Variants in LONP2 observed in about 807,000 individuals in gnomAD.
LONP2 encodes lon protease homolog 2, peroxisomal.
LONP2 carries 60 observed loss-of-function variants against 85.6 expected under a neutral mutation model. The observed-to-expected ratio is 0.70, with a 90% CI of 0.57 to 0.87. The LOEUF (loss-of-function observed/expected upper bound fraction) is 0.87. Ranked by LOEUF, LONP2 falls within the 40% of genes least tolerant of loss-of-function variation. The pLI is 0.00. For synonymous variants in LONP2, 395 were observed against 389.7 expected, an observed-to-expected ratio of 1.01 and a Z score of -0.16; for missense variants, 860 against 1,063.5, an observed-to-expected ratio of 0.81 and a Z score of 2.66.
At chr16:48,244,886 T>C (rs943548674) in intron 1 of LONP2, among the ~76,000 whole-genome samples, 1 of 152,210 alleles carries the variant, frequency 6.6e-6, no homozygotes, top group Non-Finnish European at 1.5e-5. Flanking sequence ...ATTTGAATCC[T>C]CTTCCCCCTC....
chr16:48,347,999 A>T, intron 13 of LONP2, 101 bp from the exon 14 acceptor site: 1 of 1,130,832 alleles, frequency 8.8e-7, no homozygotes, highest in South Asian at 1.5e-5. Flanking sequence ...TGAAGAATTC[A>T]TTTACCCAAA....
Position 48,355,508 on chromosome 16 carries a change from A to AGTCT in LONP2, c.*3707_*3710dup, listed in dbSNP as rs1960308450. ...ATAAATTCGTACTTTTAAATTACCC[A>AGTCT]GTCTCAGGTATTCTGTTACGGTTAA... On this transcript the variant is annotated 3_prime_UTR_variant, in exon 15 of 15. Coordinates refer to ENST00000285737, the MANE Select transcript of LONP2 (RefSeq NM_031490.5). The AGTCT allele has an allele frequency of 6.6e-6, 1 of 152,210 alleles. No individual in the cohort carries two copies. The highest frequency in any genetic ancestry group is 1.5e-5 in the Non-Finnish European group (1 of 68,032). The allele number at this position is 152,210 out of a possible 1,614,324, so 9.4% of individuals were successfully genotyped here.
chr16:48,344,955 G>C (rs1000125300), intron 12 of LONP2: 1 of 151,854 alleles, frequency 6.6e-6, no homozygotes, highest in African/African-American at 2.4e-5. Context: ...GGGCGCGGTC[G>C]CTAATGTCTG....
intron 12 of LONP2, among the ~76,000 whole-genome samples, chr16:48,343,308 A>G (rs1959869302): frequency 1.3e-5 from 2 of 152,204 alleles, no homozygotes; most frequent in African/African-American, 4.8e-5. Flanking sequence ...ATTTCAATCA[A>G]ATATCACTAT....
At chr16:48,361,363 A>G (rs902321775), downstream of LONP2, 1 of 524,234 alleles carries the variant, frequency 1.9e-6, no homozygotes, top group Non-Finnish European at 3.4e-6. Context: ...GTGTATATAC[A>G]TATATTTTTT....
At chr16:48,305,480 G>C (rs2151003534) in intron 11 of LONP2, among the ~76,000 whole-genome samples, 1 of 152,146 alleles carries the variant, frequency 6.6e-6, no homozygotes, top group East Asian at 1.9e-4. Flanking sequence ...GTCTTCAACT[G>C]CTAACCTCAG....
At chr16:48,293,616 A>G (rs1023851759) in intron 8 of LONP2, among the ~76,000 whole-genome samples, 10 of 152,078 alleles carry the variant, frequency 6.6e-5, no homozygotes, top group African/African-American at 9.7e-5. Context: ...AAGAGGAAGA[A>G]TTGGGGTTAC....
rs1256683222 is a variant in LONP2 at position 48,356,801 on chromosome 16, T to C, written c.*4999T>C. On this transcript the variant is annotated 3_prime_UTR_variant, in exon 15 of 15. Coordinates refer to ENST00000285737, the MANE Select transcript of LONP2 (RefSeq NM_031490.5). ...GCTTTGTCATGAAAATTCATTTCTT[T>C]GGAAATACTGTAGTTTGTACTTAAT... 3.8e-6 allele frequency: 1 copy of C among 263,158 alleles called. No individual in the cohort carries two copies. Among genetic ancestry groups the C allele is most frequent in the East Asian group, 9.7e-5 (1 of 10,314 alleles). 16.3% of individuals were successfully genotyped at this position (263,158 alleles called of 1,614,324 possible).
At chr16:48,271,696 A>T (rs1395468010) in intron 7 of LONP2, among the ~76,000 whole-genome samples, 2 of 152,228 alleles carry the variant, frequency 1.3e-5, no homozygotes, top group Non-Finnish European at 2.9e-5. Context: ...AGCCTGGGCA[A>T]CTTGGTGACA....
In LONP2 at chr16:48,336,925, C is replaced by T. The variant is rs527483176; in HGVS notation, c.1938+2567C>T. 1.1e-4 allele frequency among the ~76,000 whole-genome samples: 16 copies of T among 152,230 alleles called. No homozygotes were observed. The South Asian group carries it at 2.9e-3, about 28-fold the overall frequency. ...TGAAAGTGAGAACTCACCCTGTAGCCGGGTGTCTCTACCTGTAGTGGTCTG... is the reference window on the plus strand; with the variant it reads ...TGAAAGTGAGAACTCACCCTGTAGCTGGGTGTCTCTACCTGTAGTGGTCTG... On this transcript the variant is annotated intron_variant, in intron 12 of 14. Coordinates refer to ENST00000285737, the MANE Select transcript of LONP2 (RefSeq NM_031490.5).
At position 48,270,143 on chromosome 16, in the gene LONP2, C is replaced by CCT. The variant is rs1443908798; in HGVS notation, c.1111_1112dup (p.Cys372TyrfsTer22). On this transcript the variant is annotated frameshift_variant, in exon 7 of 15. Transcript: ENST00000285737. LOFTEE classifies it high-confidence loss of function. ...TCAAAAATAACCTGAAGGGCCCAAT[C>CCT]CTATGCTTTGTTGGCCCTCCTGGAG... 3 of 1,614,026 alleles carry CCT rather than the reference C, an allele frequency of 1.9e-6. No homozygotes were observed. Among genetic ancestry groups the CCT allele is most frequent in the Non-Finnish European group, 2.5e-6 (3 of 1,179,986 alleles).
intron 9 of LONP2, among the ~76,000 whole-genome samples, chr16:48,298,320 G>A (rs1303996180): frequency 6.6e-6 from 1 of 152,068 alleles, no homozygotes. Context: ...TTGGAATTTT[G>A]TCTTACGGGA....
intron 7 of LONP2, among the ~76,000 whole-genome samples, chr16:48,272,666 T>C (rs1972129134): frequency 6.6e-6 from 1 of 152,184 alleles, no homozygotes. Context: ...GGATTTGTTT[T>C]GTGAATCATT....
chr16:48,296,176 C>CT lies in LONP2; in HGVS notation c.1534+13dup. 3 of 1,612,856 alleles carry CT rather than the reference C, an allele frequency of 1.9e-6. No individual in the cohort carries two copies. The highest frequency in any genetic ancestry group is 2.5e-6 in the Non-Finnish European group (3 of 1,179,448). On this transcript the variant is annotated intron_variant, in intron 9 of 14. Transcript: ENST00000285737. ...TCATTCAGGTTCCAGGTACCTGACT[C>CT]TTAAATCATTATGATACATCTTGCC...
At chr16:48,255,821 T>C (rs981331854) in intron 2 of LONP2, among the ~76,000 whole-genome samples, 49 of 152,080 alleles carry the variant, frequency 3.2e-4, no homozygotes, top group Non-Finnish European at 5.1e-4. Context: ...TGCTTCTCCT[T>C]TGCCTTCCTC....
chr16:48,360,325 G>C (rs1023936604), downstream of LONP2, among the ~76,000 whole-genome samples: 1 of 152,192 alleles, frequency 6.6e-6, no homozygotes, highest in Non-Finnish European at 1.5e-5. Context: ...ACAGTTGTAA[G>C]AATCAAAATG....
chr16:48,310,147 A>G (rs554292232), intron 11 of LONP2, among the ~76,000 whole-genome samples: 1 of 151,568 alleles, frequency 6.6e-6, no homozygotes, highest in Non-Finnish European at 1.5e-5. Flanking sequence ...TTCCTTTTGC[A>G]TGGAACATTT....
In LONP2 at chr16:48,355,674, T is replaced by A. The variant is rs376106424; in HGVS notation, c.*3872T>A. The A allele has an allele frequency of 6.6e-5, 10 of 152,280 alleles. No homozygotes were observed. In the East Asian group the frequency reaches 9.7e-4, roughly 15 times the overall value. 9.4% of individuals were successfully genotyped at this position (152,280 alleles called of 1,614,324 possible). On this transcript the variant is annotated 3_prime_UTR_variant, in exon 15 of 15. Transcript: ENST00000285737. ...TCTCCACATCCTTGCCAGCACTCAT[T>A]TTCTGGGTTTTTTATAATAGCCCTC...
intron 6 of LONP2, among the ~76,000 whole-genome samples, chr16:48,264,540 A>G (rs1024468514): frequency 6.6e-6 from 1 of 152,190 alleles, no homozygotes; most frequent in Non-Finnish European, 1.5e-5. Flanking sequence ...CAGATTTCAT[A>G]TTGCACAAAC....
Sources: gnomAD v4.1 joint callset for allele counts (sites outside exome capture counted in the v4.1 genomes callset) on GRCh38, gnomAD v4.1.1 for gene constraint, MANE v1.5 for transcripts, NCBI Gene and HGNC (gene_info 2026-07-23, HGNC 2026-07-21) for gene names.